NRXN3: variants seen among roughly 807,000 people sequenced by gnomAD.
NRXN3 encodes the protein neurexin III.
NRXN3 carries 32 observed loss-of-function variants against 137.6 expected under a neutral mutation model. The ratio of observed to expected loss-of-function variants is 0.23; its 90% CI spans 0.18 to 0.31. NRXN3 has a LOEUF of 0.31. NRXN3 is among the 10% of genes least tolerant of loss of function. NRXN3 has a pLI of 1.00. For missense variants in NRXN3, 1,574 were observed against 2,062.5 expected (o/e 0.76, Z 4.59); for synonymous variants, 798 against 784.5 (o/e 1.02, Z -0.29).
chr14:78,771,909 G>A (rs2098729395), intron 8 of NRXN3, among the ~76,000 whole-genome samples: 1 of 152,162 alleles, frequency 6.6e-6, no homozygotes, highest in African/African-American at 2.4e-5. Context: ...AAGTGTTTCA[G>A]ATTTTGGATT....
intron 15 of NRXN3, among the ~76,000 whole-genome samples, chr14:79,256,264 A>G (rs886964241): frequency 6.6e-6 from 1 of 151,988 alleles, no homozygotes; most frequent in Non-Finnish European, 1.5e-5. Context: ...ACAGATTTTG[A>G]CTGCGTAAAA....
At chr14:78,323,362 C>T (rs2153561073) in intron 4 of NRXN3, among the ~76,000 whole-genome samples, 1 of 151,976 alleles carries the variant, frequency 6.6e-6, no homozygotes, top group Middle Eastern at 3.4e-3. Context: ...TTGAGAAGCC[C>T]TGGATTTAAG....
intron 15 of NRXN3, among the ~76,000 whole-genome samples, chr14:79,355,743 C>T (rs145865880): frequency 1.2e-4 from 19 of 152,222 alleles, no homozygotes; most frequent in African/African-American, 3.6e-4. Flanking sequence ...TCTTTGGTAT[C>T]TTCTGCCCTT....
chr14:79,378,981 G>T (rs1251483862), intron 15 of NRXN3, among the ~76,000 whole-genome samples: 1 of 152,020 alleles, frequency 6.6e-6, no homozygotes, highest in East Asian at 1.9e-4. Context: ...GACTAAAGAA[G>T]TACTTCATAC....
chr14:78,465,061 C>G (rs543275959), intron 4 of NRXN3, among the ~76,000 whole-genome samples: 2 of 152,018 alleles, frequency 1.3e-5, no homozygotes, highest in Non-Finnish European at 2.9e-5. Context: ...CACTGAGAGA[C>G]TATTTTGTGC....
At chr14:78,802,319 T>C (rs147946491) in intron 8 of NRXN3, among the ~76,000 whole-genome samples, 1 of 151,916 alleles carries the variant, frequency 6.6e-6, no homozygotes. Flanking sequence ...CACTCATAGG[T>C]GGGAACTGAA....
intron 15 of NRXN3, among the ~76,000 whole-genome samples, chr14:79,376,195 GGTGTGT>G (rs369678546): frequency 2.1e-5 from 2 of 95,408 alleles, no homozygotes; most frequent in African/African-American, 4.2e-5. Flanking sequence ...TATACATGTG[GGTGTGT>G]GTGTGTGTGT....
At chr14:79,083,611 G>A (rs574446315) in intron 15 of NRXN3, among the ~76,000 whole-genome samples, 9 of 152,282 alleles carry the variant, frequency 5.9e-5, no homozygotes, top group South Asian at 2.1e-4. Flanking sequence ...AAATGGTTTC[G>A]CTGTTATCGT....
intron 16 of NRXN3, among the ~76,000 whole-genome samples, chr14:79,630,899 A>C (rs1419695032): frequency 6.6e-6 from 1 of 152,200 alleles, no homozygotes; most frequent in East Asian, 1.9e-4. Flanking sequence ...AGAATGCTTG[A>C]GCTTAAAGAG....
intron 10 of NRXN3, among the ~76,000 whole-genome samples, chr14:78,946,580 A>G (rs1045587681): frequency 1.3e-5 from 2 of 152,086 alleles, no homozygotes; most frequent in South Asian, 4.2e-4. Flanking sequence ...CCTTCTTTAT[A>G]CAGTCTGAAA....
intron 20 of NRXN3, among the ~76,000 whole-genome samples, chr14:79,831,770 G>A (rs1466366953): frequency 6.6e-6 from 1 of 152,130 alleles, no homozygotes; most frequent in Non-Finnish European, 1.5e-5. Flanking sequence ...ACAACAACCA[G>A]ATTGCATTAA....
In NRXN3 at chr14:79,416,504, C is replaced by T. The variant is rs185716207; in HGVS notation, c.3263-50717C>T. On this transcript the variant is annotated intron_variant, in intron 15 of 20. Transcript: ENST00000335750. ...ATACCATGTAAATGAAGAACATTAA[C>T]GTGGCAGATGACATTTTCCTGAGAA... Among the ~76,000 whole-genome samples, 17 of 152,158 alleles carry T rather than the reference C, an allele frequency of 1.1e-4. No individual in the cohort carries two copies. The East Asian group carries it at 2.3e-3, about 21-fold the overall frequency.
At chr14:78,539,522 A>G (rs2096568471) in intron 4 of NRXN3, among the ~76,000 whole-genome samples, 1 of 151,936 alleles carries the variant, frequency 6.6e-6, no homozygotes, top group Non-Finnish European at 1.5e-5. Context: ...TAGTCTTGCT[A>G]GTGATCTATC....
intron 15 of NRXN3, among the ~76,000 whole-genome samples, chr14:79,281,544 G>C (rs1033361565): frequency 2.0e-5 from 3 of 152,024 alleles, no homozygotes; most frequent in African/African-American, 4.8e-5. Flanking sequence ...AGGACACACA[G>C]AAATGGAGAC....
In NRXN3 at chr14:78,957,324, A is replaced by G. The variant is rs1567817019; in HGVS notation, c.2358A>G (p.Lys786=). Residue 786 remains lysine (K), a synonymous_variant, in exon 11 of 21, where the codon AAA becomes AAG. Coordinates refer to ENST00000335750, the MANE Select transcript of NRXN3 (RefSeq NM_001330195.2). ...WHTVRVVRRG[K]SLKLTVDDDV... is the part of the protein sequence containing the mutation. ...CCGTTCGGGTGGTGCGGAGAGGAAA[A>G]AGCCTTAAGTTAACCGTGGATGATG... 1 of 1,614,102 alleles carries G rather than the reference A, an allele frequency of 6.2e-7. No homozygotes were observed. The highest frequency in any genetic ancestry group is 1.1e-5 in the South Asian group (1 of 91,080).
At chr14:78,190,660 C>T (rs894405393) in intron 1 of NRXN3, among the ~76,000 whole-genome samples, 2 of 133,982 alleles carry the variant, frequency 1.5e-5, no homozygotes, top group Non-Finnish European at 3.3e-5. Flanking sequence ...TATTTACTTA[C>T]TTACTTACTT....
intron 1 of NRXN3, among the ~76,000 whole-genome samples, chr14:78,191,195 G>C (rs1262181430): frequency 6.6e-6 from 1 of 152,108 alleles, no homozygotes; most frequent in East Asian, 1.9e-4. Flanking sequence ...GGGCCAGGGG[G>C]ATGACCATTG....
intron 16 of NRXN3, among the ~76,000 whole-genome samples, chr14:79,581,552 T>A (rs1416502930): frequency 6.6e-6 from 1 of 152,202 alleles, no homozygotes; most frequent in Non-Finnish European, 1.5e-5. Context: ...TTTTCGTCAA[T>A]GCCCCATTGG....
intron 15 of NRXN3, among the ~76,000 whole-genome samples, chr14:79,118,893 A>T (rs915882374): frequency 1.3e-5 from 2 of 152,188 alleles, no homozygotes; most frequent in Admixed American, 6.5e-5. Flanking sequence ...AAAAAAATGC[A>T]GTGCTAAGAG....
Sources: gnomAD v4.1 joint callset for allele counts (sites outside exome capture counted in the v4.1 genomes callset) on GRCh38, gnomAD v4.1.1 for gene constraint, MANE v1.5 for transcripts, NCBI Gene and HGNC (gene_info 2026-07-23, HGNC 2026-07-21) for gene names.